SIGLEC15: variants seen among roughly 807,000 people sequenced by gnomAD.
The protein encoded by SIGLEC15 is sialic acid-binding Ig-like lectin 15.
A neutral mutation model predicts 26.2 loss-of-function variants in SIGLEC15; 31 were observed. That is an observed-to-expected ratio of 1.18 (90% confidence interval 0.89 to 1.60). The LOEUF is 1.60. Among genes scored for constraint, SIGLEC15 ranks in the 40% most tolerant of loss-of-function variants. The pLI is 0.00. For synonymous variants in SIGLEC15, 207 were observed against 221.9 expected, an observed-to-expected ratio of 0.93 and a Z score of 0.60; for missense variants, 501 against 488.4, an observed-to-expected ratio of 1.03 and a Z score of -0.24.
intron 1 of SIGLEC15, among the ~76,000 whole-genome samples, chr18:45,834,040 A>G (rs2048256265): frequency 6.6e-6 from 1 of 152,152 alleles, no homozygotes; most frequent in South Asian, 2.1e-4. Context: ...GGCAACCTCT[A>G]TGCTGATTGA....
intron 1 of SIGLEC15, among the ~76,000 whole-genome samples, chr18:45,833,264 G>A (rs138741366): frequency 5.6e-4 from 85 of 152,188 alleles, no homozygotes; most frequent in African/African-American, 2.0e-3. Context: ...TCTCTAAGAG[G>A]GAGCTAATGA....
chr18:45,837,206 T>G lies in SIGLEC15; in HGVS notation c.112+118T>G, dbSNP rs1458690049. ...TGGGGAAAAACTAAGGGTAAGAATATGGGGTCAAGGGGCCTGCAGGTGAAT... is the reference window on the plus strand; with the variant it reads ...TGGGGAAAAACTAAGGGTAAGAATAGGGGGTCAAGGGGCCTGCAGGTGAAT... On this transcript the variant is annotated intron_variant, in intron 2 of 5. Coordinates refer to ENST00000389474, the MANE Select transcript of SIGLEC15 (RefSeq NM_213602.3). 4.7e-6 allele frequency: 7 copies of G among 1,482,900 alleles called. No individual in the cohort carries two copies. The Admixed American group carries it at 1.5e-4, about 33-fold the overall frequency. 91.9% of individuals were successfully genotyped at this position (1,482,900 alleles called of 1,614,324 possible).
rs2048281150 is a variant in SIGLEC15, at chr18:45,837,045, T to A, written c.69T>A (p.Thr23=). The A allele has an allele frequency of 1.3e-6, 2 of 1,528,610 alleles. No homozygotes were observed. The highest frequency in any genetic ancestry group is 1.8e-6 in the Non-Finnish European group (2 of 1,102,516). 94.7% of individuals were successfully genotyped at this position (1,528,610 alleles called of 1,614,324 possible). A position where few individuals can be genotyped will look rare whatever the true frequency, so the allele number is the denominator to read the frequency against. The change falls in exon 2 of 6, where the codon ACT becomes ACA. Residue 23 remains threonine, a synonymous_variant. Transcript: ENST00000389474. ...WVLPTGSFVR[T]KIDTTENLLN... The stretch of plus-strand genomic sequence containing the variant: ...TATCTGTAGGCTCATTTGTGAGAAC[T>A]AAAATAGATACTACGGAGAACTTGC...
chr18:45,834,155 C>T (rs553951965), intron 1 of SIGLEC15, among the ~76,000 whole-genome samples: 3 of 152,292 alleles, frequency 2.0e-5, no homozygotes, highest in South Asian at 4.1e-4. Flanking sequence ...GAAGTGACAT[C>T]GCCTCTCTCA....
chr18:45,838,225 TGCAATGTG>T, intron 3 of SIGLEC15, among the ~76,000 whole-genome samples: 1 of 151,962 alleles, frequency 6.6e-6, no homozygotes, highest in African/African-American at 2.4e-5. Flanking sequence ...TGCCAAGAGG[TGCAATGTG>T]GTGTGTGCTA....
intron 1 of SIGLEC15, 72 bp downstream of exon 1, chr18:45,825,852 T>A: frequency 6.3e-7 from 1 of 1,576,600 alleles, no homozygotes. Flanking sequence ...AGGTACAGTC[T>A]CCCCTGGAAG....
intron 2 of SIGLEC15, 56 bp from the exon 3 acceptor site, chr18:45,837,457 G>A: frequency 7.0e-7 from 1 of 1,422,618 alleles, no homozygotes; most frequent in Non-Finnish European, 9.1e-7. Context: ...CAGGCCCCGG[G>A]TGCGGGCGCC....
rs765135601 is a variant in SIGLEC15, at chr18:45,838,806, C to T, written c.585C>T (p.Pro195=). The T allele has an allele frequency of 5.1e-5, 80 of 1,558,712 alleles. 1 individual carries two copies. The highest frequency in any genetic ancestry group is 3.1e-4 in the South Asian group (27 of 86,072). Reference sequence around the variant, plus strand: ...GCACTGCCGAAGGGGAGCCGCCGCCCGCCCTCGCCTGGTCCGGCCCGGCCC... The same window carrying T: ...GCACTGCCGAAGGGGAGCCGCCGCCTGCCCTCGCCTGGTCCGGCCCGGCCC... ...ALCTAEGEPP[P]ALAWSGPALG... Residue 195 remains proline, a synonymous_variant, in exon 4 of 6, where the codon CCC becomes CCT. Transcript: ENST00000389474.
At chr18:45,833,459 A>G (rs1433874708) in intron 1 of SIGLEC15, among the ~76,000 whole-genome samples, 2 of 151,996 alleles carry the variant, frequency 1.3e-5, no homozygotes, top group Non-Finnish European at 2.9e-5. Flanking sequence ...ATTACAGGGG[A>G]CCATCACCAT....
intron 1 of SIGLEC15, among the ~76,000 whole-genome samples, chr18:45,826,840 C>T (rs1340941651): frequency 6.6e-6 from 1 of 152,332 alleles, no homozygotes; most frequent in East Asian, 1.9e-4. Context: ...AACCTCTGCA[C>T]AGCTGTCACC....
intron 1 of SIGLEC15, 26 bp from the exon 2 acceptor site, chr18:45,837,003 C>T (rs1330066587): frequency 8.6e-7 from 1 of 1,161,162 alleles, no homozygotes; most frequent in Admixed American, 1.7e-5. Flanking sequence ...CACGTGTAAC[C>T]CGGGGTTAAC....
chr18:45,837,570 GCGA>G lies in SIGLEC15; in HGVS notation c.173_175del (p.Asp58del), dbSNP rs2048285790. On this transcript the variant is annotated inframe_deletion, in exon 3 of 6. Transcript: ENST00000389474. ...CCACCCGAGGTGAGCGCGGAGGCAGGCGACGCGGCAGTGCTGCCCTGCACCTTC... is the reference window on the plus strand; with the variant it reads ...CCACCCGAGGTGAGCGCGGAGGCAGGCGCGGCAGTGCTGCCCTGCACCTTC... 1 of 1,515,918 alleles carries G rather than the reference GCGA, an allele frequency of 6.6e-7. No individual in the cohort carries two copies. The highest frequency in any genetic ancestry group is 1.2e-5 in the South Asian group (1 of 82,650). The allele number at this position is 1,515,918 out of a possible 1,614,324, so 93.9% of individuals were successfully genotyped here.
Position 45,837,899 on chromosome 18 carries a change from G to T in SIGLEC15, c.496+3G>T. ...CGGCGTCCGGCTGCACGTGACAGGC[G>T]AGGCGGCGTGGGAGCGGGTCCCCGG... On this transcript the variant is annotated splice_donor_region_variant and intron_variant, in intron 3 of 5. Transcript: ENST00000389474. 1 of 1,501,768 alleles carries T rather than the reference G, an allele frequency of 6.7e-7. No homozygotes were observed. The highest frequency in any genetic ancestry group is 8.8e-7 in the Non-Finnish European group (1 of 1,136,512). The allele number at this position is 1,501,768 out of a possible 1,614,324, so 93.0% of individuals were successfully genotyped here.
At position 45,825,751 on chromosome 18, in the gene SIGLEC15, T is replaced by G. The variant is rs751882312; in HGVS notation, c.23T>G (p.Leu8Arg). ...AGCATGGAAAAGTCCATCTGGCTGC[T>G]GGCCTGCTTGGCGTGGGTTCTCCCG... MEKSIWL[L>R]ACLAWVLPTG... The change falls in exon 1 of 6, where the codon CTG (leucine) becomes CGG (arginine). Residue 8 changes from leucine (L) to arginine (R), a missense_variant. Transcript: ENST00000389474. 1 of 1,614,238 alleles carries G rather than the reference T, an allele frequency of 6.2e-7. No homozygotes were observed. Among genetic ancestry groups the G allele is most frequent in the Non-Finnish European group, 8.5e-7 (1 of 1,180,032 alleles).
At position 45,843,342 on chromosome 18, in the gene SIGLEC15, G is replaced by A. The variant is rs1342085744; in HGVS notation, c.*1155G>A. On this transcript the variant is annotated 3_prime_UTR_variant, in exon 6 of 6. Transcript: ENST00000389474. ...TCACCTTAGCTCCTGTGGTCCTTGG[G>A]GCTTAGGGAGAGGAGGGAGGCATGC... is the stretch of plus-strand genomic sequence containing the variant. 6.6e-6 allele frequency: 1 copy of A among 152,238 alleles called. No homozygotes were observed. Among genetic ancestry groups the A allele is most frequent in the Non-Finnish European group, 1.5e-5 (1 of 68,094 alleles). 9.4% of individuals were successfully genotyped at this position (152,238 alleles called of 1,614,324 possible).
At chr18:45,829,726 G>C (rs1469266203) in intron 1 of SIGLEC15, among the ~76,000 whole-genome samples, 1 of 152,132 alleles carries the variant, frequency 6.6e-6, no homozygotes, top group African/African-American at 2.4e-5. Flanking sequence ...TCGTCAGCTG[G>C]TAATGTCAGC....
chr18:45,828,072 G>A (rs930699783), intron 1 of SIGLEC15, among the ~76,000 whole-genome samples: 2 of 152,182 alleles, frequency 1.3e-5, no homozygotes, highest in African/African-American at 4.8e-5. Context: ...CTCTTCTTCT[G>A]GGAGCCTCTC....
chr18:45,840,400 C>G (rs1454159500), intron 5 of SIGLEC15, among the ~76,000 whole-genome samples, 159 bp downstream of exon 5: 1 of 152,128 alleles, frequency 6.6e-6, no homozygotes. Flanking sequence ...CAAGGCACCC[C>G]TCTTGCAGCC....
At chr18:45,839,495 A>G (rs1167039436) in intron 4 of SIGLEC15, among the ~76,000 whole-genome samples, 1 of 152,078 alleles carries the variant, frequency 6.6e-6, no homozygotes, top group African/African-American at 2.4e-5. Flanking sequence ...GAATACACTG[A>G]TGAATATGGC....
Sources: gnomAD v4.1 joint callset for allele counts (sites outside exome capture counted in the v4.1 genomes callset) on GRCh38, gnomAD v4.1.1 for gene constraint, MANE v1.5 for transcripts, NCBI Gene and HGNC (gene_info 2026-07-23, HGNC 2026-07-21) for gene names.